The following ITGA9 variants were observed in gnomAD, a reference collection of about 807,000 sequenced individuals.
The protein encoded by ITGA9 is integrin subunit alpha 9, also known as integrin alpha-9.
ITGA9 carries 56 observed loss-of-function variants against 127.8 expected under a neutral mutation model. That is an observed-to-expected ratio of 0.44 (90% CI 0.35 to 0.55). The LOEUF is 0.55. ITGA9 is among the 20% of genes least tolerant of loss of function. The pLI is 0.00. For missense variants in ITGA9, 1,196 were observed against 1,347.1 expected (o/e 0.89, Z 1.76); for synonymous variants, 508 against 514.5 (o/e 0.99, Z 0.17).
intron 15 of ITGA9, among the ~76,000 whole-genome samples, chr3:37,592,014 G>A (rs767991475): frequency 3.9e-5 from 6 of 152,110 alleles, no homozygotes; most frequent in Non-Finnish European, 8.8e-5. Context: ...GGTGGATAGG[G>A]GTGGGCTGAG....
intron 15 of ITGA9, among the ~76,000 whole-genome samples, chr3:37,616,570 A>C (rs1230553551): frequency 6.6e-6 from 1 of 152,116 alleles, no homozygotes; most frequent in Non-Finnish European, 1.5e-5. Flanking sequence ...TGGGGTGTTA[A>C]AGTCTCCCAT....
chr3:37,754,412 A>G (rs17036897), intron 23 of ITGA9, among the ~76,000 whole-genome samples: 2,877 of 152,354 alleles, frequency 0.019, 84 homozygotes, highest in African/African-American at 0.065. Context: ...GTGAAGGGCT[A>G]GAACTTTTAT....
intron 4 of ITGA9, among the ~76,000 whole-genome samples, chr3:37,487,037 A>G (rs1698617012): frequency 6.6e-6 from 1 of 152,232 alleles, no homozygotes; most frequent in African/African-American, 2.4e-5. Flanking sequence ...ATAAAAATCA[A>G]CGAAGGTCCA....
At chr3:37,505,856 G>A (rs1698834904) in intron 6 of ITGA9, 144 bp from the exon 7 acceptor site, 2 of 707,300 alleles carry the variant, frequency 2.8e-6, no homozygotes, top group Non-Finnish European at 5.1e-6. Flanking sequence ...AGCATGAGAA[G>A]GTTGACAGCT....
chr3:37,517,496 T>A lies in ITGA9; in HGVS notation c.1036-8T>A. On this transcript the variant is annotated splice_polypyrimidine_tract_variant and splice_region_variant and intron_variant, in intron 9 of 27. Transcript: ENST00000264741. ...GTTTTCCATTTTCTCCTCCATCCTG[T>A]TTCCCAGGGAGCCCTCGAGGAGCAG... The A allele has an allele frequency of 6.4e-7, 1 of 1,570,486 alleles. No homozygotes were observed. The highest frequency in any genetic ancestry group is 1.2e-5 in the South Asian group (1 of 85,602).
intron 1 of ITGA9, among the ~76,000 whole-genome samples, chr3:37,462,975 G>C (rs548761978): frequency 6.6e-6 from 1 of 152,156 alleles, no homozygotes; most frequent in Non-Finnish European, 1.5e-5. Context: ...GTGTGACTTC[G>C]GATACACTCT....
chr3:37,577,776 G>A (rs1488949296), intron 15 of ITGA9, among the ~76,000 whole-genome samples: 2 of 152,210 alleles, frequency 1.3e-5, no homozygotes, highest in African/African-American at 2.4e-5. Context: ...ATGGCTAAGT[G>A]CGCAGAACAT....
intron 23 of ITGA9, among the ~76,000 whole-genome samples, chr3:37,765,716 T>C (rs1033560452): frequency 3.9e-5 from 6 of 152,188 alleles, no homozygotes; most frequent in Non-Finnish European, 8.8e-5. Flanking sequence ...ACACACCCTC[T>C]GGAAGGTGGG....
chr3:37,746,545 C>T (rs767451129), intron 22 of ITGA9, among the ~76,000 whole-genome samples: 8 of 152,184 alleles, frequency 5.3e-5, no homozygotes, highest in Non-Finnish European at 1.0e-4. Flanking sequence ...TACAAGCTCT[C>T]CTGTCCTCCT....
chr3:37,542,639 TTGG>T, intron 15 of ITGA9, 54 bp downstream of exon 15: 2 of 1,579,566 alleles, frequency 1.3e-6, no homozygotes, highest in Non-Finnish European at 1.7e-6. Context: ...AGATGTTCAC[TTGG>T]AGCTGGTGGA....
intron 24 of ITGA9, among the ~76,000 whole-genome samples, chr3:37,779,206 G>T (rs1159617124): frequency 6.6e-6 from 1 of 152,108 alleles, no homozygotes; most frequent in South Asian, 2.1e-4. Context: ...TCGGGTTCAT[G>T]CAGTTCTCCC....
At chr3:37,720,058 G>A (rs11717869) in intron 18 of ITGA9, among the ~76,000 whole-genome samples, 73,157 of 151,920 alleles carry the variant, frequency 0.48, 17,952 homozygotes, top group South Asian at 0.7. Flanking sequence ...GTCCATGTTC[G>A]CAGAGGTTAG....
At position 37,466,483 on chromosome 3, in the gene ITGA9, CAAAAAAAAAAAAAAA is replaced by C. The variant is rs60980366; in HGVS notation, c.186-4508_186-4494del. On this transcript the variant is annotated intron_variant, in intron 1 of 27. Coordinates refer to ENST00000264741, the MANE Select transcript of ITGA9 (RefSeq NM_002207.3). ...TGGGTAACAGAGCAAGACACCATCTCAAAAAAAAAAAAAAAAAAAAAAAAAAAAAAGGGCCTTTGA... is the reference window on the plus strand; with the variant it reads ...TGGGTAACAGAGCAAGACACCATCTCAAAAAAAAAAAAAAAGGGCCTTTGA... 2.3e-4 allele frequency among the ~76,000 whole-genome samples: 6 copies of C among 26,064 alleles called. 1 individual carries two copies. The highest frequency in any genetic ancestry group is 0.083 in the Middle Eastern group (2 of 24). The allele number at this position is 26,064 out of a possible 152,430, so 17.1% of individuals were successfully genotyped here.
intron 1 of ITGA9, among the ~76,000 whole-genome samples, chr3:37,466,466 A>G (rs1236537091): frequency 1.5e-5 from 2 of 137,194 alleles, no homozygotes; most frequent in Non-Finnish European, 3.1e-5. Context: ...CCTGGGTAAC[A>G]GAGCAAGACA....
chr3:37,617,411 C>T (rs951590090), intron 15 of ITGA9, among the ~76,000 whole-genome samples: 16 of 152,182 alleles, frequency 1.1e-4, no homozygotes, highest in African/African-American at 3.1e-4. Flanking sequence ...TCCTTCATTT[C>T]AGCTTTGGTG....
intron 15 of ITGA9, among the ~76,000 whole-genome samples, chr3:37,559,493 T>A (rs984222557): frequency 2.6e-5 from 4 of 151,980 alleles, no homozygotes; most frequent in African/African-American, 9.7e-5. Context: ...ATCAGAAGAG[T>A]CCTCTGTAAA....
chr3:37,714,517 C>T (rs571746474), intron 18 of ITGA9, among the ~76,000 whole-genome samples: 74 of 152,300 alleles, frequency 4.9e-4, no homozygotes, highest in African/African-American at 1.8e-3. Context: ...TCCATGGGCT[C>T]AGCAGGCTGA....
At chr3:37,739,160 A>G (rs985412734) in intron 20 of ITGA9, among the ~76,000 whole-genome samples, 1 of 152,208 alleles carries the variant, frequency 6.6e-6, no homozygotes, top group African/African-American at 2.4e-5. Context: ...CCTTATATTT[A>G]CCAGTTGCAG....
chr3:37,782,955 T>C (rs755849844), intron 25 of ITGA9, among the ~76,000 whole-genome samples: 2 of 152,254 alleles, frequency 1.3e-5, no homozygotes, highest in East Asian at 3.9e-4. Flanking sequence ...CTGGCCAACA[T>C]GGTGAAACCC....
Sources: allele counts gnomAD v4.1 joint callset (sites outside exome capture counted in the v4.1 genomes callset), GRCh38; gene constraint gnomAD v4.1.1; transcripts MANE v1.5; gene names NCBI Gene and HGNC (gene_info 2026-07-23, HGNC 2026-07-21).